Variants in TNS3 observed in about 807,000 individuals in gnomAD.
TNS3 encodes the protein tensin-3.
Under a neutral mutation model 140.9 loss-of-function variants are expected in TNS3, and 45 were observed. The observed-to-expected ratio is 0.32, with a 90% CI of 0.25 to 0.41. The LOEUF (loss-of-function observed/expected upper bound fraction) is 0.41, where lower values mean the gene tolerates loss of function less well. Among genes scored for constraint, TNS3 ranks in the 10% least tolerant of loss-of-function variants. The probability of loss-of-function intolerance (pLI) is 1.00; values close to 1 mark genes in which losing one functional copy is unlikely to be tolerated. For synonymous variants in TNS3, 815 were observed against 788.4 expected, an observed-to-expected ratio of 1.03 and a Z score of -0.56; for missense variants, 1,716 against 1,906.7, an observed-to-expected ratio of 0.90 and a Z score of 1.86.
intron 1 of TNS3, among the ~76,000 whole-genome samples, chr7:47,578,365 C>T (rs1380707587): frequency 6.6e-6 from 1 of 152,154 alleles, no homozygotes; most frequent in African/African-American, 2.4e-5. Context: ...CCTTCCCTGA[C>T]ACAGTGAGGC....
intron 1 of TNS3, among the ~76,000 whole-genome samples, chr7:47,535,127 C>A (rs1385771238): frequency 6.6e-6 from 1 of 152,232 alleles, no homozygotes; most frequent in Admixed American, 6.5e-5. Context: ...GGCTCTTTCC[C>A]CTTTGTCCTC....
At chr7:47,348,167 C>A (rs144889657) in intron 17 of TNS3, among the ~76,000 whole-genome samples, 1 of 152,222 alleles carries the variant, frequency 6.6e-6, no homozygotes, top group African/African-American at 2.4e-5. Flanking sequence ...GCCCCACGCA[C>A]CACCTGGTAC....
At chr7:47,467,985 C>G (rs751878394) in intron 4 of TNS3, among the ~76,000 whole-genome samples, 2 of 152,148 alleles carry the variant, frequency 1.3e-5, no homozygotes, top group Non-Finnish European at 2.9e-5. Flanking sequence ...AATGCCTCCT[C>G]TGACCTGGAA....
chr7:47,534,974 A>T (rs1267230307), intron 1 of TNS3, among the ~76,000 whole-genome samples: 1 of 152,200 alleles, frequency 6.6e-6, no homozygotes, highest in Non-Finnish European at 1.5e-5. Flanking sequence ...ACGCTCAGAC[A>T]AGAGTAGCAT....
chr7:47,461,869 G>A (rs1211655864), intron 4 of TNS3, among the ~76,000 whole-genome samples: 1 of 152,244 alleles, frequency 6.6e-6, no homozygotes, highest in African/African-American at 2.4e-5. Context: ...CTGGGGCAGA[G>A]TCCAGAGGAT....
At chr7:47,535,815 T>C (rs1799578720) in intron 1 of TNS3, among the ~76,000 whole-genome samples, 1 of 152,258 alleles carries the variant, frequency 6.6e-6, no homozygotes. Context: ...GGATAGGTTC[T>C]CCCGGCTAAA....
chr7:47,528,649 A>AG lies in TNS3; in HGVS notation c.-153+386dup, dbSNP rs544900602. ...GCTTAGTTTAGTGACAGGATCTGAA[A>AG]GGGGCCATACCAAAATGAACCCGAA... On this transcript the variant is annotated intron_variant, in intron 2 of 30. Coordinates refer to ENST00000311160, the MANE Select transcript of TNS3 (RefSeq NM_022748.12). 1.7e-3 allele frequency among the ~76,000 whole-genome samples: 253 copies of AG among 152,356 alleles called. 1 individual carries two copies. Among genetic ancestry groups the AG allele is most frequent in the Non-Finnish European group, 3.0e-3 (203 of 68,036 alleles).
At chr7:47,500,075 A>T (rs1331744344) in intron 3 of TNS3, among the ~76,000 whole-genome samples, 1 of 152,156 alleles carries the variant, frequency 6.6e-6, no homozygotes, top group Non-Finnish European at 1.5e-5. Flanking sequence ...AAGCTGTCAA[A>T]CATTAAAACA....
At chr7:47,411,410 A>G (rs2151408793) in intron 13 of TNS3, among the ~76,000 whole-genome samples, 1 of 152,166 alleles carries the variant, frequency 6.6e-6, no homozygotes, top group African/African-American at 2.4e-5. Context: ...GGAGTGTGCA[A>G]CCTAGATCGC....
chr7:47,357,082 C>A (rs757155422), intron 17 of TNS3, among the ~76,000 whole-genome samples: 1 of 152,104 alleles, frequency 6.6e-6, no homozygotes, highest in Non-Finnish European at 1.5e-5. Context: ...GAGTGAGATC[C>A]TATCTCAAAT....
At chr7:47,329,480 G>A (rs141234285) in intron 20 of TNS3, among the ~76,000 whole-genome samples, 11 of 152,282 alleles carry the variant, frequency 7.2e-5, no homozygotes, top group African/African-American at 2.6e-4. Context: ...AGAGTGGGCA[G>A]GTCAATGCCC....
intron 1 of TNS3, among the ~76,000 whole-genome samples, chr7:47,577,353 T>G (rs1264654020): frequency 6.6e-6 from 1 of 152,170 alleles, no homozygotes; most frequent in Non-Finnish European, 1.5e-5. Flanking sequence ...CAATCTAACA[T>G]GAACCATAAT....
At chr7:47,529,485 C>T (rs1265921299) in intron 1 of TNS3, among the ~76,000 whole-genome samples, 2 of 152,252 alleles carry the variant, frequency 1.3e-5, no homozygotes, top group African/African-American at 4.8e-5. Context: ...GAGCCACCTA[C>T]TTCTGTGACA....
chr7:47,383,998 A>G (rs1791925527), intron 16 of TNS3, among the ~76,000 whole-genome samples: 1 of 152,350 alleles, frequency 6.6e-6, no homozygotes, highest in South Asian at 2.1e-4. Flanking sequence ...ATCTAAATTC[A>G]GATAGCTTCT....
chr7:47,363,161 T>TCATCAC (rs1790488072), intron 17 of TNS3, among the ~76,000 whole-genome samples: 1 of 86,644 alleles, frequency 1.2e-5, no homozygotes, highest in South Asian at 4.2e-4. Flanking sequence ...TCATCATCAG[T>TCATCAC]CATCACCATC....
At chr7:47,552,076 C>A (rs934125040) in intron 1 of TNS3, among the ~76,000 whole-genome samples, 1 of 149,834 alleles carries the variant, frequency 6.7e-6, no homozygotes, top group Non-Finnish European at 1.5e-5. Flanking sequence ...AACCTCCCCA[C>A]GCCCATCACA....
At chr7:47,292,518 T>C (rs1246470393) in intron 26 of TNS3, among the ~76,000 whole-genome samples, 1 of 152,224 alleles carries the variant, frequency 6.6e-6, no homozygotes, top group Non-Finnish European at 1.5e-5. Context: ...AAAAATTAAA[T>C]GTCAATGACC....
intron 8 of TNS3, among the ~76,000 whole-genome samples, chr7:47,429,890 C>A (rs185894025): frequency 6.6e-6 from 1 of 152,308 alleles, no homozygotes; most frequent in Admixed American, 6.5e-5. Context: ...CTTATAGATA[C>A]TCAATGCGGG....
intron 16 of TNS3, among the ~76,000 whole-genome samples, chr7:47,391,346 C>T (rs764300251): frequency 2.6e-5 from 4 of 152,208 alleles, no homozygotes; most frequent in Non-Finnish European, 4.4e-5. Flanking sequence ...TGCTGTGTTT[C>T]TTCCTGCGCC....
Sources: allele counts gnomAD v4.1 joint callset (sites outside exome capture counted in the v4.1 genomes callset), GRCh38; gene constraint gnomAD v4.1.1; transcripts MANE v1.5; gene names NCBI Gene and HGNC (gene_info 2026-07-23, HGNC 2026-07-21).